The following TRPM5 variants were observed in gnomAD, a reference collection of about 807,000 sequenced individuals.
The protein encoded by TRPM5 is transient receptor potential cation channel subfamily M member 5, also known as MLSN1 and TRP-related.
Under a neutral mutation model 124.9 loss-of-function variants are expected in TRPM5, and 121 were observed. The ratio of observed to expected loss-of-function variants is 0.97; its 90% confidence interval spans 0.84 to 1.13. TRPM5 has a LOEUF of 1.13. Ranked by LOEUF, TRPM5 falls within the 50% of genes most tolerant of loss-of-function variation. TRPM5 has a pLI of 0.00. For missense variants in TRPM5, 1,643 were observed against 1,589.1 expected (o/e 1.03, Z -0.58); for synonymous variants, 781 against 700.5 (o/e 1.11, Z -1.81).
chr11:2,417,902 C>T (rs572305664), intron 6 of TRPM5, 73 bp from the exon 12 acceptor site: 4 of 1,383,508 alleles, frequency 2.9e-6, no homozygotes, highest in South Asian at 1.2e-5. Context: ...GTGGTAGACA[C>T]CAGCGTAGGC....
In TRPM5 at chr11:2,408,800, A is replaced by G. The variant is rs187097978; in HGVS notation, c.2783-888T>C. ...GAGTGTGCCCTGGCCGTCCAGGACCACATATCCCCTCCATATCCGAATGGG... is the reference window on the plus strand; with the variant it reads ...GAGTGTGCCCTGGCCGTCCAGGACCGCATATCCCCTCCATATCCGAATGGG... On this transcript the variant is annotated intron_variant, in intron 18 of 23. Transcript: ENST00000155858. Among the ~76,000 whole-genome samples, 439 of 152,306 alleles carry G rather than the reference A, an allele frequency of 2.9e-3. 1 individual carries two copies. The highest frequency in any genetic ancestry group is 9.8e-3 in the African/African-American group (406 of 41,576).
At chr11:2,415,122 G>T in exon 9 of TRPM5, 2 of 1,567,258 alleles carry the variant, frequency 1.3e-6, no homozygotes, top group Non-Finnish European at 1.7e-6. Flanking sequence ...CCCGCTCACC[G>T]CCCTCCTGCG....
At chr11:2,407,451 G>A (rs1023296323) in intron 19 of TRPM5, 151 bp from the exon 25 acceptor site, 1 of 790,538 alleles carries the variant, frequency 1.3e-6, no homozygotes, top group Non-Finnish European at 2.0e-6. Flanking sequence ...GTCACGAGGG[G>A]TCCACTCTCC....
Position 2,413,560 on chromosome 11 carries a change from TC to T in TRPM5, c.1918del (p.Asp640ThrfsTer12). 1.2e-6 allele frequency: 2 copies of T among 1,612,342 alleles called. No individual in the cohort carries two copies. The highest frequency in any genetic ancestry group is 2.2e-5 in the South Asian group (2 of 90,968). On this transcript the variant is annotated frameshift_variant, in exon 13 of 24. Transcript: ENST00000155858. LOFTEE classifies it high-confidence loss of function. The stretch of plus-strand genomic sequence containing the variant: ...CAGGATGGGCGTGCCTGCGGCCATG[TC>T]CCCCCACCAGATCCTGGTCAGGAAG...
chr11:2,421,676 C>CA (rs1405355641), intron 2 of TRPM5, among the ~76,000 whole-genome samples: 2 of 152,230 alleles, frequency 1.3e-5, no homozygotes, highest in Non-Finnish European at 2.9e-5. Context: ...CAAGCTGCCT[C>CA]AAAAAACAGC....
intron 18 of TRPM5, 108 bp downstream of exon 23, chr11:2,411,244 G>T: frequency 7.7e-7 from 1 of 1,300,520 alleles, no homozygotes; most frequent in Non-Finnish European, 1.0e-6. Flanking sequence ...CTCCAGGCTG[G>T]GGTCTCCATG....
At chr11:2,409,597 G>A (rs1850401211) in intron 18 of TRPM5, among the ~76,000 whole-genome samples, 1 of 152,196 alleles carries the variant, frequency 6.6e-6, no homozygotes, top group South Asian at 2.1e-4. Flanking sequence ...CTGAGCCTCA[G>A]TCTCCCTCTC....
intron 22 of TRPM5, 118 bp downstream of exon 27, chr11:2,405,901 T>C: frequency 1.0e-6 from 1 of 972,826 alleles, no homozygotes; most frequent in Non-Finnish European, 1.6e-6. Flanking sequence ...GGTGCTCCTG[T>C]CCTGGCTCTG....
At chr11:2,422,694 G>A (rs1005044394) in intron 1 of TRPM5, among the ~76,000 whole-genome samples, 3 of 151,732 alleles carry the variant, frequency 2.0e-5, no homozygotes, top group East Asian at 1.9e-4. Context: ...CAAATCTCTC[G>A]GGGGGACTTC....
At chr11:2,417,625 G>A (rs889204963) in intron 7 of TRPM5, 102 bp downstream of exon 12, 20 of 849,592 alleles carry the variant, frequency 2.4e-5, no homozygotes, top group African/African-American at 1.0e-4. Context: ...AGGGGCAGGC[G>A]GCCGAGCGTC....
chr11:2,414,073 G>C, exon 12 of TRPM5: 1 of 1,382,104 alleles, frequency 7.2e-7, no homozygotes, highest in South Asian at 1.2e-5. Flanking sequence ...GAACGCCGTC[G>C]TGGGCAAAGA....
chr11:2,411,354 T>C (rs1850447153), exon 18 of TRPM5: 2 of 1,594,442 alleles, frequency 1.3e-6, no homozygotes, highest in East Asian at 4.5e-5. Flanking sequence ...GTGCAAACCA[T>C]CAATCTCGTC....
At chr11:2,408,300 C>G (rs2133501460) in intron 18 of TRPM5, among the ~76,000 whole-genome samples, 2 of 152,282 alleles carry the variant, frequency 1.3e-5, no homozygotes, top group South Asian at 4.1e-4. Context: ...ACCTCCACCC[C>G]TCCTCCGAAA....
chr11:2,428,790 AGGT>A, the TRPM5 span, among the ~76,000 whole-genome samples: 6 of 144,586 alleles, frequency 4.1e-5, no homozygotes, highest in East Asian at 2.1e-4. This position sits in a 1 kb window ranked among gnomAD's most constrained non-coding sequence, Gnocchi z 4.0. Context: ...TGGGTGACGA[AGGT>A]GGTGGTGGTG....
At position 2,414,854 on chromosome 11, in the gene TRPM5, T is replaced by C. The variant is rs759069195; in HGVS notation, c.1621-16A>G. The stretch of plus-strand genomic sequence containing the variant: ...CTTCCTGGCCCTACGAGACCTGGTC[T>C]CAGGAGGCCGCCCCTCCCCTGCCCC... On this transcript the variant is annotated splice_polypyrimidine_tract_variant and intron_variant, in intron 10 of 23. Transcript: ENST00000155858. 1.3e-6 allele frequency: 2 copies of C among 1,589,570 alleles called. No homozygotes were observed. The highest frequency in any genetic ancestry group is 1.7e-6 in the Non-Finnish European group (2 of 1,169,154).
the TRPM5 span, among the ~76,000 whole-genome samples, chr11:2,443,354 C>T: frequency 2.0e-5 from 3 of 152,172 alleles, no homozygotes; most frequent in Non-Finnish European, 4.4e-5. The surrounding 1 kb of genome is among the most constrained non-coding windows in gnomAD (Gnocchi z 5.0). Context: ...TATGTTCACC[C>T]GGAAAGTAAC....
chr11:2,415,741 C>T (rs749876940), intron 8 of TRPM5, among the ~76,000 whole-genome samples, 165 bp downstream of exon 13: 1 of 152,224 alleles, frequency 6.6e-6, no homozygotes, highest in African/African-American at 2.4e-5. Flanking sequence ...GGCCAGTGAG[C>T]GAGGCAGAAG....
At chr11:2,414,624 G>A (rs370992359) in intron 11 of TRPM5, 91 bp downstream of exon 16, 2 of 1,425,402 alleles carry the variant, frequency 1.4e-6, no homozygotes, top group African/African-American at 2.9e-5. Flanking sequence ...GCGGTAACAG[G>A]CAGCCCTGGC....
In TRPM5 at chr11:2,407,087, ACCCAGGTGCTCCCGCTTGTGCTCGGCCT is replaced by A. The variant is rs764771627; in HGVS notation, c.3118+4_3118+31del. ...CCCTGGGACCCGCCACCTCGGCCTC[ACCCAGGTGCTCCCGCTTGTGCTCGGCCT>A]CACCCAGGTGCTCCCGCTTGTGCTC... On this transcript the variant is annotated splice_donor_5th_base_variant and intron_variant, in intron 20 of 23. Coordinates refer to ENST00000155858, the Ensembl canonical transcript of TRPM5. 1 of 1,034,502 alleles carries A rather than the reference ACCCAGGTGCTCCCGCTTGTGCTCGGCCT, an allele frequency of 9.7e-7. No homozygotes were observed. Among genetic ancestry groups the A allele is most frequent in the South Asian group, 2.0e-5 (1 of 48,872 alleles). The allele number at this position is 1,034,502 out of a possible 1,614,324, so 64.1% of individuals were successfully genotyped here.
Sources: gnomAD v4.1 joint callset for allele counts (sites outside exome capture counted in the v4.1 genomes callset) on GRCh38, gnomAD v4.1.1 for gene constraint, Gnocchi (gnomAD v3.1) non-coding constraint, MANE v1.5 for transcripts, NCBI Gene and HGNC (gene_info 2026-07-23, HGNC 2026-07-21) for gene names.